EEF1A2: variants seen among roughly 807,000 people sequenced by gnomAD.
EEF1A2 encodes elongation factor 1-alpha 2.
Under a neutral mutation model 39.3 loss-of-function variants are expected in EEF1A2, and 5 were observed. The ratio of observed to expected loss-of-function variants is 0.13; its 90% CI spans 0.07 to 0.27. The LOEUF (loss-of-function observed/expected upper bound fraction) is 0.27, where lower values mean the gene tolerates loss of function less well. Among genes scored for constraint, EEF1A2 ranks in the 10% least tolerant of loss-of-function variants. The pLI, the probability that EEF1A2 is intolerant of heterozygous loss-of-function variation, is 1.00. For missense variants in EEF1A2, 218 were observed against 681.4 expected (o/e 0.32, Z 7.57); for synonymous variants, 287 against 293.7 (o/e 0.98, Z 0.23).
At chr20:63,495,148 G>C in intron 3 of EEF1A2, 47 bp from the exon 4 acceptor site, 2 of 1,585,860 alleles carry the variant, frequency 1.3e-6, no homozygotes, top group Non-Finnish European at 1.7e-6. Flanking sequence ...TGCCTGGCAG[G>C]GGACAGAGCG....
At position 63,497,864 on chromosome 20, in the gene EEF1A2, G is replaced by A; in HGVS notation, c.-71-30C>T. 1 of 1,469,022 alleles carries A rather than the reference G, an allele frequency of 6.8e-7. No homozygotes were observed. Among genetic ancestry groups the A allele is most frequent in the Non-Finnish European group, 9.2e-7 (1 of 1,087,592 alleles). 91.0% of individuals were successfully genotyped at this position (1,469,022 alleles called of 1,614,324 possible). Reference sequence around the variant, plus strand: ...GGGGCCAGTGGTGGTGGGGAGACCGGTGATGGGGAGCCCCAGGGGGAGACA... The same window carrying A: ...GGGGCCAGTGGTGGTGGGGAGACCGATGATGGGGAGCCCCAGGGGGAGACA... On this transcript the variant is annotated intron_variant, in intron 1 of 7. Transcript: ENST00000217182. This position sits in a 1 kb window ranked among gnomAD's most constrained non-coding sequence, Gnocchi z 7.3.
intron 3 of EEF1A2, among the ~76,000 whole-genome samples, 168 bp from the exon 4 acceptor site, chr20:63,495,269 T>C (rs1255250761): frequency 1.3e-5 from 2 of 152,142 alleles, no homozygotes; most frequent in South Asian, 2.1e-4. Flanking sequence ...AAGGGCAGCA[T>C]GGGGGCTCAT....
intron 4 of EEF1A2, among the ~76,000 whole-genome samples, chr20:63,493,739 C>T (rs972468144): frequency 1.4e-4 from 22 of 152,238 alleles, no homozygotes; most frequent in African/African-American, 5.1e-4. Context: ...GAGCTTGGCC[C>T]AGCCTTGTCC....
chr20:63,495,793 C>A (rs919581182), intron 3 of EEF1A2, 63 bp downstream of exon 3: 4 of 1,578,016 alleles, frequency 2.5e-6, no homozygotes, highest in Admixed American at 3.4e-5. Flanking sequence ...CCCAGGGGCC[C>A]CCAGTGTCCC....
chr20:63,489,523 C>G (rs1471807383), intron 6 of EEF1A2, among the ~76,000 whole-genome samples: 1 of 152,132 alleles, frequency 6.6e-6, no homozygotes, highest in Non-Finnish European at 1.5e-5. Context: ...TGGCTCACAC[C>G]TGTCATCCCA....
At chr20:63,492,011 TGAACG>T (rs2082384772) in intron 5 of EEF1A2, among the ~76,000 whole-genome samples, 1 of 114,084 alleles carries the variant, frequency 8.8e-6, no homozygotes, top group Admixed American at 8.4e-5. Context: ...GATGAGGAGA[TGAACG>T]GATGGATGAG....
In EEF1A2 at chr20:63,493,238, C is replaced by T. The variant is rs2082399321; in HGVS notation, c.671G>A (p.Ser224Asn). The T allele has an allele frequency of 6.5e-7, 1 of 1,546,574 alleles. No individual in the cohort carries two copies. The highest frequency in any genetic ancestry group is 8.7e-7 in the Non-Finnish European group (1 of 1,144,356). ...CAGGGCCTCCAGCAGGGACACGCCG[C>T]TTGCGTTGCCCTCCTTACGCTCCAC... ...WKVERKEGNASGVSLLEALDT... is the reference protein window; with the variant it reads ...WKVERKEGNANGVSLLEALDT... The change falls in exon 5 of 8, where the codon AGC becomes AAC. Residue 224 changes from serine to asparagine, a missense_variant. Coordinates refer to ENST00000217182, the MANE Select transcript of EEF1A2 (RefSeq NM_001958.5).
rs1245421799 is a variant in EEF1A2 at position 63,498,406 on chromosome 20, T to G, written c.-71-572A>C. ...CGCTGCCCAGATTAGGAACCCAGAA[T>G]AGCTCTAGGCACCCCCCTCCCGGAC... On this transcript the variant is annotated intron_variant, in intron 1 of 7. Coordinates refer to ENST00000217182, the MANE Select transcript of EEF1A2 (RefSeq NM_001958.5). This position sits in a 1 kb window ranked among gnomAD's most constrained non-coding sequence, Gnocchi z 4.1. 6.6e-6 allele frequency: 1 copy of G among 152,268 alleles called. No individual in the cohort carries two copies. Among genetic ancestry groups the G allele is most frequent in the Non-Finnish European group, 1.5e-5 (1 of 68,134 alleles). The allele number at this position is 152,268 out of a possible 1,614,324, so 9.4% of individuals were successfully genotyped here. A position where few individuals can be genotyped will look rare whatever the true frequency, so the allele number is the denominator to read the frequency against.
Position 63,494,786 on chromosome 20 carries a change from C to G in EEF1A2, c.621+19G>C. ...TCCAGCCAGCTCCCGTGGCCCGCCCCGCCCTAGCCGCCACTCACGTTGGGG... is the reference window on the plus strand; with the variant it reads ...TCCAGCCAGCTCCCGTGGCCCGCCCGGCCCTAGCCGCCACTCACGTTGGGG... On this transcript the variant is annotated intron_variant, in intron 4 of 7. Coordinates refer to ENST00000217182, the MANE Select transcript of EEF1A2 (RefSeq NM_001958.5). 1.9e-6 allele frequency: 3 copies of G among 1,600,594 alleles called. No homozygotes were observed. Among genetic ancestry groups the G allele is most frequent in the Non-Finnish European group, 2.6e-6 (3 of 1,173,590 alleles).
chr20:63,492,028 T>G (rs1487540960), intron 5 of EEF1A2, among the ~76,000 whole-genome samples: 4 of 84,080 alleles, frequency 4.8e-5, no homozygotes, highest in African/African-American at 1.1e-4. Context: ...ATGGATGAGA[T>G]GGATGGATGG....
chr20:63,494,276 A>G (rs1161207257), intron 4 of EEF1A2, among the ~76,000 whole-genome samples: 1 of 152,234 alleles, frequency 6.6e-6, no homozygotes, highest in Admixed American at 6.5e-5. Context: ...CCTGGGCTAC[A>G]GACTGTTCGC....
At chr20:63,490,858 G>A (rs76041667) in intron 5 of EEF1A2, 123 bp from the exon 6 acceptor site, 9 of 1,222,458 alleles carry the variant, frequency 7.4e-6, no homozygotes, top group Non-Finnish European at 1.0e-5. Flanking sequence ...AGGCCTGGGG[G>A]TTGGGGCCAC....
chr20:63,495,136 C>T (rs753945063), intron 3 of EEF1A2, 35 bp from the exon 4 acceptor site: 1 of 1,594,598 alleles, frequency 6.3e-7, no homozygotes, highest in Admixed American at 1.7e-5. Context: ...CCCTGCCCCG[C>T]CTGCCTGGCA....
Position 63,488,226 on chromosome 20 carries a change from G to T in EEF1A2, c.*72C>A. 4.7e-6 allele frequency: 4 copies of T among 858,232 alleles called. No homozygotes were observed. Among genetic ancestry groups the T allele is most frequent in the Middle Eastern group, 6.0e-4 (1 of 1,680 alleles). The allele number at this position is 858,232 out of a possible 1,614,324, so 53.2% of individuals were successfully genotyped here. ...CCGGACCGGCGCGCGGGGCGGGGGC[G>T]GGGCGGGGGCCCGGGCCCGGGGTTC... is the stretch of plus-strand genomic sequence containing the variant. On this transcript the variant is annotated 3_prime_UTR_variant, in exon 8 of 8. Transcript: ENST00000217182.
In EEF1A2 at chr20:63,494,864, C is replaced by T. The variant is rs2082409352; in HGVS notation, c.562G>A (p.Val188Met). The T allele has an allele frequency of 3.1e-6, 5 of 1,612,532 alleles. No individual in the cohort carries two copies. The highest frequency in any genetic ancestry group is 1.7e-5 in the Admixed American group (1 of 60,000). ...IKKIGYNPATVPFVPISGWHG... is the reference protein window; with the variant it reads ...IKKIGYNPATMPFVPISGWHG... ...CAGCCGGAGATGGGCACAAAGGGCA[C>T]GGTGGCCGGGTTGTAGCCGATCTTC... is the stretch of plus-strand genomic sequence containing the variant. The change falls in exon 4 of 8, where the codon GTG becomes ATG. Residue 188 changes from valine to methionine, a missense_variant. This residue lies in a region of EEF1A2 where 79 missense variants were observed against 172.3 expected (regional missense o/e 0.46). Transcript: ENST00000217182.
Position 63,493,129 on chromosome 20 carries a change from T to A in EEF1A2, c.772+8A>T. The A allele has an allele frequency of 6.5e-7, 1 of 1,546,854 alleles. No individual in the cohort carries two copies. Among genetic ancestry groups the A allele is most frequent in the South Asian group, 1.2e-5 (1 of 83,804 alleles). On this transcript the variant is annotated splice_region_variant and intron_variant, in intron 5 of 7. Transcript: ENST00000217182. ...AGGCAGGAGCTCCAGCACAGCGCCC[T>A]TGCTCACCGCCAATCTTGTACACGT...
chr20:63,493,345 A>G, intron 4 of EEF1A2, 58 bp from the exon 5 acceptor site: 1 of 1,457,368 alleles, frequency 6.9e-7, no homozygotes, highest in Middle Eastern at 1.8e-4. Context: ...CCCCACCCTC[A>G]GGCCTCCCCA....
intron 5 of EEF1A2, among the ~76,000 whole-genome samples, chr20:63,491,863 G>A (rs1006352816): frequency 3.9e-5 from 4 of 102,612 alleles, no homozygotes; most frequent in South Asian, 3.9e-4. Context: ...GATGGATGGG[G>A]AGGTGGATGG....
intron 4 of EEF1A2, among the ~76,000 whole-genome samples, chr20:63,494,057 G>A (rs2082405041): frequency 2.0e-5 from 3 of 152,222 alleles, no homozygotes; most frequent in African/African-American, 7.2e-5. Flanking sequence ...TCCCAGTTCT[G>A]TCCCCAGACC....
Sources: gnomAD v4.1 joint callset for allele counts (sites outside exome capture counted in the v4.1 genomes callset) on GRCh38, gnomAD v4.1.1 for gene constraint, gnomAD v4.1.1 regional missense constraint, Gnocchi (gnomAD v3.1) non-coding constraint, MANE v1.5 for transcripts, NCBI Gene and HGNC (gene_info 2026-07-23, HGNC 2026-07-21) for gene names.